The following ABCB5 variants were observed in gnomAD, a reference collection of about 807,000 sequenced individuals.
ABCB5 encodes ATP-binding cassette sub-family B member 5.
In ABCB5, 155 loss-of-function variants were observed where a neutral mutation model predicts 144.2. The observed-to-expected ratio is 1.08, with a 90% CI of 0.94 to 1.23. The LOEUF is 1.23. Ranked by LOEUF, ABCB5 falls within the 50% of genes most tolerant of loss-of-function variation. The probability of loss-of-function intolerance (pLI) is 0.00; values close to 1 mark genes in which losing one functional copy is unlikely to be tolerated. For synonymous variants in ABCB5, 610 were observed against 528.6 expected (o/e 1.15, Z -2.11); for missense variants, 1,830 against 1,520.8 (o/e 1.20, Z -3.38).
intron 14 of ABCB5, among the ~76,000 whole-genome samples, chr7:20,662,407 C>A (rs1429433113): frequency 6.6e-6 from 1 of 152,114 alleles, no homozygotes; most frequent in Admixed American, 6.5e-5. Context: ...AAGCTGCCGG[C>A]CACTGGATTA....
At chr7:20,691,252 T>C (rs934011069) in intron 16 of ABCB5, among the ~76,000 whole-genome samples, 13 of 139,614 alleles carry the variant, frequency 9.3e-5, no homozygotes, top group African/African-American at 3.2e-4. Context: ...TGGCGCAGTC[T>C]CGGCTCACCG....
intron 23 of ABCB5, among the ~76,000 whole-genome samples, chr7:20,734,027 G>A (rs1782307722): frequency 6.6e-6 from 1 of 152,000 alleles, no homozygotes; most frequent in Non-Finnish European, 1.5e-5. Flanking sequence ...GATTCTCTAG[G>A]GATTCTCCTC....
intron 5 of ABCB5, among the ~76,000 whole-genome samples, chr7:20,636,934 G>C (rs1360795073): frequency 2.6e-5 from 4 of 151,936 alleles, no homozygotes; most frequent in African/African-American, 4.8e-5. Context: ...AATTGGTTTG[G>C]AAAACATTAT....
chr7:20,628,089 A>C (rs989603420), intron 3 of ABCB5, among the ~76,000 whole-genome samples: 10 of 152,154 alleles, frequency 6.6e-5, no homozygotes, highest in Non-Finnish European at 1.3e-4. Context: ...TACATGTGCC[A>C]TGTTGGTTTG....
In ABCB5 at chr7:20,658,647, A is replaced by C; in HGVS notation, c.1678A>C (p.Lys560Gln). The C allele has an allele frequency of 6.2e-7, 1 of 1,613,898 alleles. No individual in the cohort carries two copies. The change falls in exon 14 of 28, where the codon AAG (lysine) becomes CAG (glutamine). Residue 560 changes from lysine to glutamine, a missense_variant. By Grantham distance (53) the Lys-to-Gln change is moderately conservative. Transcript: ENST00000404938. ...EATSALDSES[K>Q]SAVQAALEKA... ...TACGTCTGCCCTGGATTCAGAAAGC[A>C]AGTCAGCTGTTCAAGCTGCACTGGA...
rs1235269001 is a variant in ABCB5 at position 20,715,404 on chromosome 7, T to C, written c.2422-7612T>C. On this transcript the variant is annotated intron_variant, in intron 20 of 27. Coordinates refer to ENST00000404938, the MANE Select transcript of ABCB5 (RefSeq NM_001163941.2). ...GTCTAGAGCTGGAATGCGTGGTGTA[T>C]GTGTGTGTGTGCGTGTGTGTGTGTG... Among the ~76,000 whole-genome samples the C allele has an allele frequency of 3.3e-5, 5 of 151,798 alleles. No individual in the cohort carries two copies. In the East Asian group the frequency reaches 9.7e-4, roughly 29 times the overall value.
chr7:20,689,203 C>T (rs540597806), intron 16 of ABCB5, among the ~76,000 whole-genome samples: 5 of 152,214 alleles, frequency 3.3e-5, no homozygotes, highest in Admixed American at 2.0e-4. Context: ...ACCCCACTAC[C>T]GCTGGAGTGA....
At chr7:20,621,573 G>A (rs189576832) in intron 1 of ABCB5, among the ~76,000 whole-genome samples, 1 of 152,068 alleles carries the variant, frequency 6.6e-6, no homozygotes, top group Admixed American at 6.5e-5. Context: ...CAAACTAGTA[G>A]CTGGCACATC....
chr7:20,754,249 A>G (rs1783016181), intron 27 of ABCB5, among the ~76,000 whole-genome samples: 1 of 152,244 alleles, frequency 6.6e-6, no homozygotes, highest in Non-Finnish European at 1.5e-5. Context: ...AATGGAGGGT[A>G]TCTGACCTAA....
In ABCB5 at chr7:20,650,384, C is replaced by T. The variant is rs1282956788; in HGVS notation, c.1332+237C>T. On this transcript the variant is annotated intron_variant, in intron 12 of 27. Transcript: ENST00000404938. The stretch of plus-strand genomic sequence containing the variant: ...AATAAAACAGATAAAAATCTGCCCT[C>T]ATGAAGTTTACATTCTAATAATCAG... 2.0e-5 allele frequency among the ~76,000 whole-genome samples: 3 copies of T among 152,140 alleles called. No homozygotes were observed. In the East Asian group the frequency reaches 5.8e-4, roughly 29 times the overall value.
At chr7:20,694,092 A>G (rs1786327339) in intron 16 of ABCB5, among the ~76,000 whole-genome samples, 1 of 151,654 alleles carries the variant, frequency 6.6e-6, no homozygotes, top group African/African-American at 2.4e-5. Context: ...TATTAAAAAA[A>G]AAAGTGATAA....
intron 14 of ABCB5, 106 bp from the exon 15 acceptor site, chr7:20,681,399 T>G: frequency 1.5e-6 from 2 of 1,291,660 alleles, no homozygotes; most frequent in Non-Finnish European, 1.1e-6. Context: ...AGTGCTGGAA[T>G]TACAGGCATG....
At chr7:20,639,398 T>C (rs1041559353) in intron 5 of ABCB5, among the ~76,000 whole-genome samples, 8 of 152,204 alleles carry the variant, frequency 5.3e-5, no homozygotes, top group African/African-American at 1.9e-4. Flanking sequence ...ATTGCACTTT[T>C]GGGTGTGGGA....
At chr7:20,683,078 T>C (rs1472219816) in intron 15 of ABCB5, among the ~76,000 whole-genome samples, 1 of 146,582 alleles carries the variant, frequency 6.8e-6, no homozygotes, top group Non-Finnish European at 1.5e-5. Flanking sequence ...TGATAATATC[T>C]TTGATGTCAA....
At chr7:20,673,908 T>C (rs932995276) in intron 14 of ABCB5, among the ~76,000 whole-genome samples, 1 of 152,040 alleles carries the variant, frequency 6.6e-6, no homozygotes, top group African/African-American at 2.4e-5. Context: ...TTTATCTCTT[T>C]TGTGAGCTTA....
chr7:20,623,134 C>A, intron 1 of ABCB5, 131 bp from the exon 2 acceptor site: 1 of 610,716 alleles, frequency 1.6e-6, no homozygotes, highest in South Asian at 2.2e-5. Flanking sequence ...GAGTGGGGGG[C>A]TGGGCAGGGC....
At chr7:20,649,255 G>A (rs1426975305) in intron 11 of ABCB5, among the ~76,000 whole-genome samples, 1 of 152,160 alleles carries the variant, frequency 6.6e-6, no homozygotes, top group Non-Finnish European at 1.5e-5. Flanking sequence ...TTGGCCCTCT[G>A]AAGGTTTTAT....
intron 14 of ABCB5, among the ~76,000 whole-genome samples, chr7:20,681,054 CTCTCTCTTTCTT>C (rs1785794386): frequency 4.4e-5 from 2 of 45,364 alleles, no homozygotes; most frequent in Non-Finnish European, 7.3e-5. Flanking sequence ...CTTTCTCTCT[CTCTCTCTTTCTT>C]TCTTTCTTTC....
intron 1 of ABCB5, among the ~76,000 whole-genome samples, chr7:20,619,505 C>T (rs1783763863): frequency 6.6e-6 from 1 of 151,860 alleles, no homozygotes; most frequent in Non-Finnish European, 1.5e-5. Flanking sequence ...TTGTTCATGT[C>T]CTTTGCCCAT....
Sources: gnomAD v4.1 joint callset for allele counts (sites outside exome capture counted in the v4.1 genomes callset) on GRCh38, gnomAD v4.1.1 for gene constraint, MANE v1.5 for transcripts, NCBI Gene and HGNC (gene_info 2026-07-23, HGNC 2026-07-21) for gene names.